Variants in SAXO3 observed in about 807,000 individuals in gnomAD.
SAXO3 encodes the protein CTB-60B18.10.
At chr19:49,020,248 C>G in the SAXO3 span, 3 of 466,590 alleles carry the variant, frequency 6.4e-6, no homozygotes, top group East Asian at 3.5e-5. Context: ...GGTGCCTCCT[C>G]TCTCAGACCC....
At chr19:49,018,400 C>T in the SAXO3 span, 1,264 of 1,039,688 alleles carry the variant, frequency 1.2e-3, 21 homozygotes, top group African/African-American at 0.019. Flanking sequence ...GAGTTTCAGA[C>T]CTCGGGATCT....
At chr19:49,018,490 C>T in the SAXO3 span, 1 of 451,916 alleles carries the variant, frequency 2.2e-6, no homozygotes. Flanking sequence ...GCGTTGCCTG[C>T]GTTCCTGGGT....
At chr19:49,018,763 C>G in the SAXO3 span, 3 of 950,144 alleles carry the variant, frequency 3.2e-6, no homozygotes, top group African/African-American at 1.7e-5. Flanking sequence ...CTACAGAAGT[C>G]GAGGCTGAGA....
the SAXO3 span, chr19:49,019,526 T>G: frequency 5.1e-6 from 6 of 1,171,652 alleles, no homozygotes; most frequent in Non-Finnish European, 6.5e-6. Context: ...CCGGCTCCTC[T>G]AACCTCGCGA....
chr19:49,020,060 T>A, the SAXO3 span: 38 of 1,424,530 alleles, frequency 2.7e-5, no homozygotes, highest in East Asian at 3.9e-4. Flanking sequence ...GAAAGCCCAG[T>A]TGTGAGAATC....
the SAXO3 span, chr19:49,019,103 G>A: frequency 7.0e-7 from 1 of 1,437,580 alleles, no homozygotes; most frequent in Non-Finnish European, 9.1e-7. Context: ...GGCCTCGACA[G>A]CCATGACGGC....
the SAXO3 span, chr19:49,018,763 C>T: frequency 3.2e-6 from 3 of 950,230 alleles, no homozygotes; most frequent in Non-Finnish European, 4.7e-6. Flanking sequence ...CTACAGAAGT[C>T]GAGGCTGAGA....
chr19:49,019,850 G>T, the SAXO3 span: 3 of 1,285,372 alleles, frequency 2.3e-6, no homozygotes, highest in Non-Finnish European at 3.1e-6. Context: ...AGGAGCAGGG[G>T]ACTCAAATGC....
chr19:49,019,839 A>C, the SAXO3 span: 1 of 1,265,470 alleles, frequency 7.9e-7, no homozygotes, highest in Non-Finnish European at 1.1e-6. Context: ...GACTCACGTG[A>C]AGGAGCAGGG....
the SAXO3 span, chr19:49,019,719 G>A: frequency 8.5e-7 from 1 of 1,169,606 alleles, no homozygotes. Context: ...GGGCGCGCGG[G>A]TCCCCGCTGG....
the SAXO3 span, chr19:49,019,628 C>T: frequency 1.6e-6 from 2 of 1,256,114 alleles, no homozygotes; most frequent in Non-Finnish European, 2.0e-6. Context: ...CTCGCCGGCG[C>T]CGGCTTCCAC....
the SAXO3 span, chr19:49,019,205 C>T: frequency 1.4e-6 from 2 of 1,397,292 alleles, no homozygotes; most frequent in Non-Finnish European, 1.9e-6. Flanking sequence ...GAACCCTTCC[C>T]AGCCTCACCT....
chr19:49,018,889 A>G, the SAXO3 span: 1 of 1,534,378 alleles, frequency 6.5e-7, no homozygotes, highest in Non-Finnish European at 8.7e-7. Context: ...TAGAACCGAA[A>G]GTCCCGCGCC....
chr19:49,019,058 A>C, the SAXO3 span: 13 of 1,475,374 alleles, frequency 8.8e-6, no homozygotes, highest in Non-Finnish European at 1.2e-5. Flanking sequence ...CCCCATCCCA[A>C]GCCCTGGGTC....
the SAXO3 span, chr19:49,018,983 C>T: frequency 2.6e-6 from 4 of 1,533,372 alleles, no homozygotes; most frequent in African/African-American, 4.1e-5. Context: ...CGGGGTTCTT[C>T]GTCCAGGCAA....
chr19:49,019,947 G>C, the SAXO3 span: 3 of 1,504,342 alleles, frequency 2.0e-6, no homozygotes, highest in African/African-American at 4.2e-5. Context: ...GTCCGCGTGG[G>C]GTCTGCAGGC....
chr19:49,018,866 G>A, the SAXO3 span: 2 of 1,532,722 alleles, frequency 1.3e-6, no homozygotes, highest in East Asian at 2.4e-5. Flanking sequence ...GCGAGAGCCC[G>A]GCTTACTTGG....
chr19:49,019,427 G>A, the SAXO3 span: 1 of 1,255,624 alleles, frequency 8.0e-7, no homozygotes, highest in Middle Eastern at 3.0e-4. Flanking sequence ...CCCACAGCCC[G>A]CCGTCTAGCT....
At chr19:49,019,000 C>T in the SAXO3 span, 1 of 1,532,330 alleles carries the variant, frequency 6.5e-7, no homozygotes, top group Non-Finnish European at 8.7e-7. Context: ...GCAATTAGAG[C>T]CTGAGCAAGA....
Sources: gnomAD v4.1 joint callset for allele counts on GRCh38, gnomAD v4.1.1 for gene constraint, MANE v1.5 for transcripts, NCBI Gene and HGNC (gene_info 2026-07-23, HGNC 2026-07-21) for gene names.